Variants in MAP4K5 observed in about 807,000 individuals in gnomAD.
The protein encoded by MAP4K5 is MAPK/ERK kinase kinase kinase 5.
MAP4K5 carries 82 observed loss-of-function variants against 135.6 expected under a neutral mutation model. The observed-to-expected ratio is 0.60, with a 90% confidence interval of 0.51 to 0.73. The LOEUF is 0.73. Ranked by LOEUF, MAP4K5 falls within the 30% of genes least tolerant of loss-of-function variation. The pLI is 0.00. For synonymous variants in MAP4K5, 347 were observed against 335.0 expected, an observed-to-expected ratio of 1.04 and a Z score of -0.39; for missense variants, 907 against 1,010.9, an observed-to-expected ratio of 0.90 and a Z score of 1.39.
At position 50,468,898 on chromosome 14, in the gene MAP4K5, G is replaced by T. The variant is rs116624329; in HGVS notation, c.543-116C>A. On this transcript the variant is annotated intron_variant, in intron 9 of 32. Transcript: ENST00000682126. ...GAAGGAAGCTGAGAGGTGTTTACTA[G>T]GAAAGAAGAAACATTACTAAGTAAA... The T allele has an allele frequency of 2.7e-4, 231 of 843,402 alleles. 2 individuals are homozygous for T. The African/African-American group carries it at 3.7e-3, about 14-fold the overall frequency. The allele number at this position is 843,402 out of a possible 1,614,324, so 52.2% of individuals were successfully genotyped here.
At chr14:50,507,465 GCTTT>G (rs369265040) in intron 2 of MAP4K5, among the ~76,000 whole-genome samples, 1 of 152,146 alleles carries the variant, frequency 6.6e-6, no homozygotes, top group African/African-American at 2.4e-5. Flanking sequence ...GATCTTTCCT[GCTTT>G]CTTTTGTGGG....
intron 3 of MAP4K5, among the ~76,000 whole-genome samples, chr14:50,491,591 G>A (rs149114630): frequency 2.0e-5 from 3 of 151,840 alleles, no homozygotes; most frequent in African/African-American, 4.8e-5. Context: ...GCCACAGCAC[G>A]CAGCTTATTA....
In MAP4K5 at chr14:50,442,712, A is replaced by G. The variant is rs373597043; in HGVS notation, c.1564+20T>C. 1.4e-4 allele frequency: 207 copies of G among 1,439,006 alleles called. 3 individuals carry two copies. In the African/African-American group the frequency reaches 2.5e-3, roughly 17 times the overall value. 89.1% of individuals were successfully genotyped at this position (1,439,006 alleles called of 1,614,324 possible). On this transcript the variant is annotated intron_variant, in intron 21 of 32. Coordinates refer to ENST00000682126, the MANE Select transcript of MAP4K5 (RefSeq NM_006575.6). ...AATAAATATTTTATTGGAGATGTAT[A>G]TAAAATTCAAACATTTTACCTTTTG... is the stretch of plus-strand genomic sequence containing the variant.
intron 2 of MAP4K5, among the ~76,000 whole-genome samples, chr14:50,518,365 A>G (rs1193247698): frequency 6.6e-6 from 1 of 152,074 alleles, no homozygotes; most frequent in African/African-American, 2.4e-5. Flanking sequence ...TGCTGCACCT[A>G]TCGACCTGTC....
In MAP4K5 at chr14:50,515,149, G is replaced by A. The variant is rs900013665; in HGVS notation, c.109-10292C>T. Among the ~76,000 whole-genome samples, 8 of 152,074 alleles carry A rather than the reference G, an allele frequency of 5.3e-5. 1 individual carries two copies. The South Asian group carries it at 6.2e-4, about 12-fold the overall frequency. On this transcript the variant is annotated intron_variant, in intron 2 of 32. Coordinates refer to ENST00000682126, the MANE Select transcript of MAP4K5 (RefSeq NM_006575.6). ...GATCTCCTGACCTTGTGATCTGCCC[G>A]CCTTGGCCTCCCAAAGTGCTGGGAT... is the stretch of plus-strand genomic sequence containing the variant.
intron 6 of MAP4K5, among the ~76,000 whole-genome samples, chr14:50,480,168 T>TA (rs1186688396): frequency 6.6e-6 from 1 of 152,104 alleles, no homozygotes; most frequent in Non-Finnish European, 1.5e-5. Flanking sequence ...GTTTTTTTTT[T>TA]ATTTTAATTT....
chr14:50,476,217 T>C (rs1326783888), intron 7 of MAP4K5, 42 bp downstream of exon 7: 1 of 1,478,882 alleles, frequency 6.8e-7, no homozygotes, highest in Admixed American at 2.2e-5. Context: ...ATAAAATTTC[T>C]TCCAATAGAA....
At chr14:50,538,950 G>A (rs1351330019) in intron 2 of MAP4K5, among the ~76,000 whole-genome samples, 4 of 152,160 alleles carry the variant, frequency 2.6e-5, no homozygotes, top group African/African-American at 9.7e-5. Context: ...CTCCCAAGTA[G>A]CTGGGACTAT....
chr14:50,429,192 T>C lies in MAP4K5; in HGVS notation c.2233A>G (p.Lys745Glu). The change falls in exon 29 of 33, where the codon AAA becomes GAA. Residue 745 changes from lysine to glutamate, a missense_variant and splice_region_variant. Physicochemically the swap from Lys to Glu is moderately conservative, Grantham distance 56 (BLOSUM62 1). Coordinates refer to ENST00000682126, the MANE Select transcript of MAP4K5 (RefSeq NM_006575.6). ...AAATAAAATTAAAAATAGTACTTAC[T>C]GTCTAAACACACTAAAACGGTATCT... is the stretch of plus-strand genomic sequence containing the variant. ...ERDTVLVCLD[K>E]FVKIVNLQGK... is the part of the protein sequence containing the mutation. 6.6e-7 allele frequency: 1 copy of C among 1,521,530 alleles called. No homozygotes were observed. Among genetic ancestry groups the C allele is most frequent in the Non-Finnish European group, 8.9e-7 (1 of 1,123,576 alleles). 94.3% of individuals were successfully genotyped at this position (1,521,530 alleles called of 1,614,324 possible).
chr14:50,545,844 T>C (rs113840635), intron 1 of MAP4K5, among the ~76,000 whole-genome samples: 1 of 152,228 alleles, frequency 6.6e-6, no homozygotes. Flanking sequence ...TTACATATTA[T>C]GACTCATCCT....
chr14:50,473,180 T>C (rs2037006433), intron 9 of MAP4K5, among the ~76,000 whole-genome samples: 1 of 152,214 alleles, frequency 6.6e-6, no homozygotes, highest in Admixed American at 6.5e-5. Flanking sequence ...TATGTAGTTT[T>C]TTAATTGGTC....
intron 2 of MAP4K5, among the ~76,000 whole-genome samples, chr14:50,507,024 T>G (rs1262784961): frequency 6.6e-6 from 1 of 152,184 alleles, no homozygotes; most frequent in Non-Finnish European, 1.5e-5. Context: ...GAGACTCAGG[T>G]ATAAAAAATA....
At chr14:50,439,534 C>T (rs1003892796) in intron 23 of MAP4K5, among the ~76,000 whole-genome samples, 7 of 152,098 alleles carry the variant, frequency 4.6e-5, no homozygotes, top group Admixed American at 3.3e-4. Context: ...TTACTAAGCA[C>T]TCTGGATATT....
In MAP4K5 at chr14:50,498,386, A is replaced by C. The variant is rs897844172; in HGVS notation, c.166+6414T>G. 5.9e-5 allele frequency among the ~76,000 whole-genome samples: 9 copies of C among 152,354 alleles called. No homozygotes were observed. The South Asian group carries it at 6.2e-4, about 11-fold the overall frequency. ...AAAATGAGATAGAAATGGTTAAATC[A>C]TTCCTGAAAATAATCATTTTGCCTA... is the stretch of plus-strand genomic sequence containing the variant. On this transcript the variant is annotated intron_variant, in intron 3 of 32. Coordinates refer to ENST00000682126, the MANE Select transcript of MAP4K5 (RefSeq NM_006575.6).
At chr14:50,505,916 C>T (rs1433287143) in intron 2 of MAP4K5, among the ~76,000 whole-genome samples, 1 of 144,594 alleles carries the variant, frequency 6.9e-6, no homozygotes, top group Non-Finnish European at 1.6e-5. Context: ...ATTACTAGGT[C>T]AAAGGTTGTG....
At chr14:50,500,724 G>C (rs2037688924) in intron 3 of MAP4K5, among the ~76,000 whole-genome samples, 1 of 152,170 alleles carries the variant, frequency 6.6e-6, no homozygotes, top group African/African-American at 2.4e-5. Context: ...GGGTAACAAA[G>C]ACAAGTAGAT....
At chr14:50,538,656 G>T (rs1008053331) in intron 2 of MAP4K5, among the ~76,000 whole-genome samples, 2 of 152,180 alleles carry the variant, frequency 1.3e-5, no homozygotes, top group Non-Finnish European at 2.9e-5. Context: ...GCTTGGCTGG[G>T]ATCCTATCTT....
chr14:50,476,289 A>T lies in MAP4K5; in HGVS notation c.396T>A (p.His132Gln). The T allele has an allele frequency of 6.8e-7, 1 of 1,461,892 alleles. No homozygotes were observed. The highest frequency in any genetic ancestry group is 9.1e-7 in the Non-Finnish European group (1 of 1,095,598). The allele number at this position is 1,461,892 out of a possible 1,614,324, so 90.6% of individuals were successfully genotyped here. A position where few individuals can be genotyped will look rare whatever the true frequency, so the allele number is the denominator to read the frequency against. ...TATCTCTATGCATTTTGCCTTTAGT[A>T]TGCAAATAGGCAAGACCCTAAAAGT... ...RETLQGLAYL[H>Q]TKGKMHRDIK... Residue 132 changes from histidine to glutamine, a missense_variant, in exon 7 of 33, where the codon CAT (histidine) becomes CAA (glutamine). By Grantham distance (24) the His-to-Gln change is conservative. Transcript: ENST00000682126.
intron 14 of MAP4K5, chr14:50,450,224 G>A (rs111380681): frequency 0.042 from 6,373 of 152,222 alleles, 140 homozygotes; most frequent in East Asian, 0.066. Context: ...TGGGATTACA[G>A]GTGTGAGCCA....
Sources: gnomAD v4.1 joint callset for allele counts (sites outside exome capture counted in the v4.1 genomes callset) on GRCh38, gnomAD v4.1.1 for gene constraint, MANE v1.5 for transcripts, NCBI Gene and HGNC (gene_info 2026-07-23, HGNC 2026-07-21) for gene names.